The following DHX30 variants were observed in gnomAD, a reference collection of about 807,000 sequenced individuals.
The protein encoded by DHX30 is DExH-box helicase 30.
In DHX30, 4 loss-of-function variants were observed where a neutral mutation model predicts 116.9. The ratio of observed to expected loss-of-function variants is 0.03; its 90% CI spans 0.02 to 0.08. DHX30 has a LOEUF of 0.08. Ranked by LOEUF, DHX30 falls within the 10% of genes least tolerant of loss-of-function variation. DHX30 has a pLI of 1.00. For missense variants in DHX30, 871 were observed against 1,595.1 expected, an observed-to-expected ratio of 0.55 and a Z score of 7.73; for synonymous variants, 697 against 651.7, an observed-to-expected ratio of 1.07 and a Z score of -1.06.
intron 6 of DHX30, among the ~76,000 whole-genome samples, 161 bp downstream of exon 6, chr3:47,829,295 T>C (rs1357729237): frequency 3.0e-5 from 1 of 33,502 alleles, no homozygotes; most frequent in Non-Finnish European, 7.0e-5. Context: ...GAGATATATA[T>C]ATATATATAT....
chr3:47,848,929 C>T lies in DHX30; in HGVS notation c.2779C>T (p.Leu927=). 1 of 1,606,670 alleles carries T rather than the reference C, an allele frequency of 6.2e-7. No individual in the cohort carries two copies. The highest frequency in any genetic ancestry group is 2.2e-5 in the East Asian group (1 of 44,712). Residue 927 remains leucine (L), a synonymous_variant, in exon 18 of 22, where the codon CTG becomes TTG. Transcript: ENST00000445061. The surrounding 1 kb of genome is among the most constrained non-coding windows in gnomAD (Gnocchi z 9.4). The part of the protein sequence containing the change: ...NRAEVDKVKA[L]LSHDSGSDHL... Reference sequence around the variant, plus strand: ...TCTTCTCCCCTCCCAGGTGAAAGCACTGTTGAGCCATGACAGCGGCAGTGA... The same window carrying T: ...TCTTCTCCCCTCCCAGGTGAAAGCATTGTTGAGCCATGACAGCGGCAGTGA...
chr3:47,847,686 A>ATCAAAATGGGGTCAAAATCCT lies in DHX30; in HGVS notation c.2111-93_2111-73dup. The ATCAAAATGGGGTCAAAATCCT allele has an allele frequency of 1.3e-6, 2 of 1,508,164 alleles. No individual in the cohort carries two copies. Among genetic ancestry groups the ATCAAAATGGGGTCAAAATCCT allele is most frequent in the South Asian group, 2.6e-5 (2 of 77,724 alleles). 93.4% of individuals were successfully genotyped at this position (1,508,164 alleles called of 1,614,324 possible). Reference sequence around the variant, plus strand: ...CATAGTGTTTATCTGCGCCTGTTTCATCAAAATGGGGTCAAAATCCTTGCC... The same window carrying ATCAAAATGGGGTCAAAATCCT: ...CATAGTGTTTATCTGCGCCTGTTTCATCAAAATGGGGTCAAAATCCTTCAAAATGGGGTCAAAATCCTTGCC... On this transcript the variant is annotated intron_variant, in intron 13 of 21. Transcript: ENST00000445061. The surrounding 1 kb of genome is among the most constrained non-coding windows in gnomAD (Gnocchi z 5.5).
Position 47,847,368 on chromosome 3 carries a change from T to TC in DHX30, c.2005+23dup, listed in dbSNP as rs2037662126. ...AACCAGGTGGGTGCCTCCCCATCTG[T>TC]CCCATGCTAGCCCTGGCCACGTTTG... On this transcript the variant is annotated intron_variant, in intron 12 of 21. Coordinates refer to ENST00000445061, the MANE Select transcript of DHX30 (RefSeq NM_138615.3). This position sits in a 1 kb window ranked among gnomAD's most constrained non-coding sequence, Gnocchi z 5.5. 1.2e-6 allele frequency: 2 copies of TC among 1,614,188 alleles called. No homozygotes were observed. The highest frequency in any genetic ancestry group is 1.7e-6 in the Non-Finnish European group (2 of 1,180,016).
intron 2 of DHX30, among the ~76,000 whole-genome samples, chr3:47,806,758 T>A (rs1178924930): frequency 1.3e-5 from 2 of 151,922 alleles, no homozygotes; most frequent in Admixed American, 6.6e-5. Flanking sequence ...CCTGGCCAAT[T>A]TTTTTTGTAT....
intron 4 of DHX30, among the ~76,000 whole-genome samples, chr3:47,823,356 TG>T (rs572862848): frequency 1.7e-4 from 26 of 148,576 alleles, no homozygotes; most frequent in African/African-American, 5.0e-4. Context: ...CCCTGGTTGT[TG>T]TTTTTTTTTT....
rs546689752 is a variant in DHX30 at position 47,820,315 on chromosome 3, A to G, written c.124+2198A>G. On this transcript the variant is annotated intron_variant, in intron 4 of 21. Transcript: ENST00000445061. The stretch of plus-strand genomic sequence containing the variant: ...GGCAACAGAGCGAGACTCCATCTCA[A>G]AAAAAAAAAAGAGACCTGCGGCTTA... Among the ~76,000 whole-genome samples the G allele has an allele frequency of 2.7e-4, 40 of 149,064 alleles. No homozygotes were observed. In the South Asian group the frequency reaches 8.0e-3, roughly 30 times the overall value.
intron 6 of DHX30, among the ~76,000 whole-genome samples, chr3:47,830,397 G>A (rs1156907732): frequency 2.6e-5 from 4 of 151,378 alleles, no homozygotes; most frequent in Non-Finnish European, 4.4e-5. Context: ...GCAGTGAGTC[G>A]AGATCACACC....
rs1430514170 is a variant in DHX30 at position 47,825,052 on chromosome 3, A to G, written c.125-2295A>G. The G allele has an allele frequency of 1.4e-5, 9 of 660,190 alleles. No homozygotes were observed. In the East Asian group the frequency reaches 2.9e-4, roughly 21 times the overall value. The allele number at this position is 660,190 out of a possible 1,614,324, so 40.9% of individuals were successfully genotyped here. On this transcript the variant is annotated intron_variant, in intron 4 of 21. Coordinates refer to ENST00000445061, the MANE Select transcript of DHX30 (RefSeq NM_138615.3). ...CGGCGGGAGCACGATGGCGGCCGCT[A>G]GGAGACTCATGGCGCTGGCCGCCGG...
chr3:47,849,772 G>A lies in DHX30; in HGVS notation c.3331+3G>A, dbSNP rs2107179306. On this transcript the variant is annotated splice_donor_region_variant and intron_variant, in intron 21 of 21. Coordinates refer to ENST00000445061, the MANE Select transcript of DHX30 (RefSeq NM_138615.3). ...CGACGGGGACGTGCACATCCGTGGTGGGTGCCTGCAGGCCTCCCGCCCACC... is the reference window on the plus strand; with the variant it reads ...CGACGGGGACGTGCACATCCGTGGTAGGTGCCTGCAGGCCTCCCGCCCACC... 3.1e-6 allele frequency: 5 copies of A among 1,611,388 alleles called. No individual in the cohort carries two copies. The East Asian group carries it at 8.9e-5, about 29-fold the overall frequency.
chr3:47,824,063 C>T (rs1243626321), intron 4 of DHX30, among the ~76,000 whole-genome samples: 1 of 139,720 alleles, frequency 7.2e-6, no homozygotes, highest in Admixed American at 7.9e-5. Context: ...AGTGCAGTGG[C>T]ATGATCTTGG....
rs986973614 is a variant in DHX30, at chr3:47,807,793, A to C, written c.-28+2373A>C. Among the ~76,000 whole-genome samples the C allele has an allele frequency of 2.0e-5, 3 of 149,816 alleles. No individual in the cohort carries two copies. The East Asian group carries it at 6.0e-4, about 30-fold the overall frequency. ...ATTTTTTTTTTAGAGGCAGGGTCTC[A>C]CTGTGTTGCCTAGGCTGGTCTTGAA... On this transcript the variant is annotated intron_variant, in intron 2 of 21. Coordinates refer to ENST00000445061, the MANE Select transcript of DHX30 (RefSeq NM_138615.3).
chr3:47,840,674 T>C (rs1184216061), intron 6 of DHX30, among the ~76,000 whole-genome samples: 1 of 152,106 alleles, frequency 6.6e-6, no homozygotes, highest in Non-Finnish European at 1.5e-5. Context: ...TGCTCACCCA[T>C]TGCCATGTGG....
At position 47,805,482 on chromosome 3, in the gene DHX30, CAA is replaced by C. The variant is rs1194029837; in HGVS notation, c.-28+63_-28+64del. 1.0e-5 allele frequency: 4 copies of C among 398,702 alleles called. No homozygotes were observed. In the East Asian group the frequency reaches 1.4e-4, roughly 14 times the overall value. The allele number at this position is 398,702 out of a possible 1,614,324, so 24.7% of individuals were successfully genotyped here. ...TCTGATGCTCAGCTGTACTGTAAAA[CAA>C]GAGGTATGTGTTAAACCTATTTCTG... On this transcript the variant is annotated intron_variant, in intron 2 of 21. Coordinates refer to ENST00000445061, the MANE Select transcript of DHX30 (RefSeq NM_138615.3).
chr3:47,829,499 A>G (rs1183174425), intron 6 of DHX30, among the ~76,000 whole-genome samples: 1 of 151,436 alleles, frequency 6.6e-6, no homozygotes, highest in East Asian at 1.9e-4. Context: ...GCCCACCACC[A>G]CGCCTGGCTA....
At chr3:47,810,976 C>T (rs186200910) in intron 3 of DHX30, among the ~76,000 whole-genome samples, 5 of 151,964 alleles carry the variant, frequency 3.3e-5, no homozygotes, top group Admixed American at 6.6e-5. Context: ...TGAGATGGAG[C>T]CTCACTTCTG....
chr3:47,842,970 T>TC lies in DHX30; in HGVS notation c.790-135dup, dbSNP rs2037449078. On this transcript the variant is annotated intron_variant, in intron 8 of 21. Coordinates refer to ENST00000445061, the MANE Select transcript of DHX30 (RefSeq NM_138615.3). ...CTGCTCCTGGCTATGCAGCAGCACC[T>TC]CTAGCATGGCTCACGCCTGGCACCT... 48 of 1,131,176 alleles carry TC rather than the reference T, an allele frequency of 4.2e-5. 1 individual carries two copies. In the South Asian group the frequency reaches 6.5e-4, roughly 15 times the overall value. The allele number at this position is 1,131,176 out of a possible 1,614,324, so 70.1% of individuals were successfully genotyped here. A position where few individuals can be genotyped will look rare whatever the true frequency, so the allele number is the denominator to read the frequency against.
In DHX30 at chr3:47,841,503, C is replaced by A. The variant is rs550326093; in HGVS notation, c.669-114C>A. On this transcript the variant is annotated intron_variant, in intron 7 of 21. Coordinates refer to ENST00000445061, the MANE Select transcript of DHX30 (RefSeq NM_138615.3). ...CGGTTTCCCATCCATTTCATGCCTT[C>A]TGCCCTTCTGGCTCCCTGCTGCAGC... The A allele has an allele frequency of 6.2e-6, 9 of 1,446,120 alleles. No individual in the cohort carries two copies. In the African/African-American group the frequency reaches 1.3e-4, roughly 20 times the overall value. The allele number at this position is 1,446,120 out of a possible 1,614,324, so 89.6% of individuals were successfully genotyped here.
chr3:47,848,989 G>C lies in DHX30; in HGVS notation c.2839G>C (p.Glu947Gln). 1 of 1,613,656 alleles carries C rather than the reference G, an allele frequency of 6.2e-7. No individual in the cohort carries two copies. Among genetic ancestry groups the C allele is most frequent in the South Asian group, 1.1e-5 (1 of 90,988 alleles). ...LAFVRAVAGWEEVLRWQDRSS... is the reference protein window; with the variant it reads ...LAFVRAVAGWQEVLRWQDRSS... ...CTTTGTGCGGGCTGTCGCCGGCTGGGAGGAGGTGCTGCGTTGGCAGGACCG... is the reference window on the plus strand; with the variant it reads ...CTTTGTGCGGGCTGTCGCCGGCTGGCAGGAGGTGCTGCGTTGGCAGGACCG... Residue 947 changes from glutamate (E) to glutamine (Q), a missense_variant, in exon 18 of 22, where the codon GAG becomes CAG. By Grantham distance (29) the Glu-to-Gln change is conservative (BLOSUM62 2). This residue lies in a region of DHX30 where 238 missense variants were observed against 481.0 expected (regional missense o/e 0.49). Transcript: ENST00000445061. This position sits in a 1 kb window ranked among gnomAD's most constrained non-coding sequence, Gnocchi z 9.4.
At chr3:47,814,766 C>T (rs577685984) in intron 3 of DHX30, among the ~76,000 whole-genome samples, 6 of 152,162 alleles carry the variant, frequency 3.9e-5, no homozygotes, top group South Asian at 2.1e-4. Context: ...ATGATCCACC[C>T]GCCTTGGCCT....
Sources: allele counts gnomAD v4.1 joint callset (sites outside exome capture counted in the v4.1 genomes callset), GRCh38; gene constraint gnomAD v4.1.1; regional missense constraint gnomAD v4.1.1; non-coding constraint Gnocchi (gnomAD v3.1); transcripts MANE v1.5; gene names NCBI Gene and HGNC (gene_info 2026-07-23, HGNC 2026-07-21).